The following SEMA6A variants were observed in gnomAD, a reference collection of about 807,000 sequenced individuals.
SEMA6A encodes semaphorin-6A.
SEMA6A carries 25 observed loss-of-function variants against 96.8 expected under a neutral mutation model. The ratio of observed to expected loss-of-function variants is 0.26; its 90% CI spans 0.19 to 0.36. The LOEUF is 0.36. SEMA6A is among the 10% of genes least tolerant of loss of function. The probability of loss-of-function intolerance (pLI) is 1.00; values close to 1 mark genes in which losing one functional copy is unlikely to be tolerated. For synonymous variants in SEMA6A, 612 were observed against 518.0 expected (o/e 1.18, Z -2.46); for missense variants, 1,363 against 1,323.1 (o/e 1.03, Z -0.47).
At chr5:116,512,869 C>T (rs1431007564) in intron 1 of SEMA6A, among the ~76,000 whole-genome samples, 1 of 152,214 alleles carries the variant, frequency 6.6e-6, no homozygotes, top group East Asian at 1.9e-4. Context: ...CTGTCTTTAT[C>T]TCAAAAGTCT....
intron 1 of SEMA6A, among the ~76,000 whole-genome samples, chr5:116,544,992 T>A (rs1760124829): frequency 6.6e-6 from 1 of 152,056 alleles, no homozygotes; most frequent in African/African-American, 2.4e-5. Context: ...TCTGTTCCCC[T>A]GGTCACCTGC....
chr5:116,500,676 T>C (rs1757834065), intron 3 of SEMA6A, among the ~76,000 whole-genome samples: 1 of 152,156 alleles, frequency 6.6e-6, no homozygotes, highest in African/African-American at 2.4e-5. Context: ...ACCACTGTTA[T>C]TTACTTGTTC....
rs1759072187 is a variant in SEMA6A, at chr5:116,523,628, A to AT, written c.-38-18647dup. On this transcript the variant is annotated intron_variant, in intron 1 of 18. Coordinates refer to ENST00000343348, the MANE Select transcript of SEMA6A (RefSeq NM_020796.5). Reference sequence around the variant, plus strand: ...CACCCGGCCTAGACAGCAGTTTCATATTTTTATGCAAAAATATGCATAAAA... The same window carrying AT: ...CACCCGGCCTAGACAGCAGTTTCATATTTTTTATGCAAAAATATGCATAAAA... 4.6e-5 allele frequency among the ~76,000 whole-genome samples: 7 copies of AT among 152,256 alleles called. 1 individual carries two copies. The highest frequency in any genetic ancestry group is 1.7e-4 in the African/African-American group (7 of 41,572).
chr5:116,454,629 T>A (rs550871726), intron 18 of SEMA6A, among the ~76,000 whole-genome samples: 1 of 152,122 alleles, frequency 6.6e-6, no homozygotes, highest in Admixed American at 6.6e-5. Context: ...GTGACCACGC[T>A]GAAAGTGAAA....
At chr5:116,559,557 GTGT>G (rs1554094125) in intron 1 of SEMA6A, among the ~76,000 whole-genome samples, 1 of 152,158 alleles carries the variant, frequency 6.6e-6, no homozygotes, top group Non-Finnish European at 1.5e-5. Flanking sequence ...ACACCGCCTT[GTGT>G]TGTTTGTTGG....
At chr5:116,478,454 C>A (rs1436780049) in intron 13 of SEMA6A, 88 bp downstream of exon 13, 3 of 1,338,446 alleles carry the variant, frequency 2.2e-6, no homozygotes, top group Non-Finnish European at 3.0e-6. Context: ...ATGCATAAAA[C>A]CTCAGTCGGT....
intron 8 of SEMA6A, 64 bp from the exon 9 acceptor site, chr5:116,488,260 G>C: frequency 9.2e-7 from 1 of 1,089,224 alleles, no homozygotes; most frequent in South Asian, 1.4e-5. Flanking sequence ...TTTCAATCAA[G>C]TGTAGCCAAA....
chr5:116,542,264 A>G (rs1475370214), intron 1 of SEMA6A, among the ~76,000 whole-genome samples: 6 of 152,158 alleles, frequency 3.9e-5, no homozygotes, highest in Admixed American at 2.0e-4. Flanking sequence ...ACCATAACTG[A>G]TCAATATTCT....
At chr5:116,479,982 C>G in intron 12 of SEMA6A, 140 bp downstream of exon 12, 1 of 937,540 alleles carries the variant, frequency 1.1e-6, no homozygotes, top group East Asian at 2.6e-5. Flanking sequence ...TCCAACCAAT[C>G]GGCCACCATT....
At chr5:116,457,689 C>T (rs571307224) in intron 18 of SEMA6A, among the ~76,000 whole-genome samples, 1 of 152,242 alleles carries the variant, frequency 6.6e-6, no homozygotes, top group African/African-American at 2.4e-5. Flanking sequence ...ATCTACTGTG[C>T]ACCCAGTATA....
chr5:116,463,389 T>TA (rs1162506994), intron 18 of SEMA6A, among the ~76,000 whole-genome samples: 6 of 152,190 alleles, frequency 3.9e-5, no homozygotes, highest in Non-Finnish European at 8.8e-5. Context: ...TAATTAACTA[T>TA]AAAGAGAATT....
chr5:116,492,951 T>A (rs1253040179), intron 6 of SEMA6A, among the ~76,000 whole-genome samples: 1 of 152,032 alleles, frequency 6.6e-6, no homozygotes, highest in African/African-American at 2.4e-5. Flanking sequence ...AATGTCACAC[T>A]GTCCCCTGAG....
intron 18 of SEMA6A, among the ~76,000 whole-genome samples, chr5:116,459,868 G>GT (rs1755264646): frequency 6.6e-6 from 1 of 152,090 alleles, no homozygotes; most frequent in Admixed American, 6.6e-5. Context: ...AGTATCTTCT[G>GT]TAACACTCAG....
At chr5:116,503,236 A>T (rs978120067) in intron 2 of SEMA6A, among the ~76,000 whole-genome samples, 6 of 152,210 alleles carry the variant, frequency 3.9e-5, no homozygotes, top group African/African-American at 1.4e-4. Context: ...GTAAATGATG[A>T]CTAGAAAACC....
intron 1 of SEMA6A, among the ~76,000 whole-genome samples, chr5:116,522,962 T>C (rs1396223779): frequency 6.6e-6 from 1 of 152,110 alleles, no homozygotes; most frequent in African/African-American, 2.4e-5. Context: ...AGACAGGAGA[T>C]TGACTAAACT....
chr5:116,477,308 C>A (rs1326801167), intron 15 of SEMA6A, among the ~76,000 whole-genome samples: 2 of 152,232 alleles, frequency 1.3e-5, no homozygotes, highest in African/African-American at 4.8e-5. Flanking sequence ...TGTTGGAGAA[C>A]TGCCAAGAAT....
At chr5:116,455,445 T>G (rs1045299610) in intron 18 of SEMA6A, among the ~76,000 whole-genome samples, 6 of 152,224 alleles carry the variant, frequency 3.9e-5, no homozygotes, top group Non-Finnish European at 7.3e-5. Flanking sequence ...TTCATCAGCT[T>G]TCTTAAATAA....
intron 1 of SEMA6A, among the ~76,000 whole-genome samples, chr5:116,505,704 T>C (rs927148959): frequency 3.9e-5 from 6 of 152,182 alleles, no homozygotes; most frequent in African/African-American, 1.4e-4. Context: ...TAAAAAGTCA[T>C]ATCTCTATAT....
At position 116,452,094 on chromosome 5, in the gene SEMA6A, C is replaced by T. The variant is rs530166438; in HGVS notation, c.1895-4283G>A. Among the ~76,000 whole-genome samples, 3 of 152,288 alleles carry T rather than the reference C, an allele frequency of 2.0e-5. No homozygotes were observed. In the East Asian group the frequency reaches 5.8e-4, roughly 29 times the overall value. On this transcript the variant is annotated intron_variant, in intron 18 of 18. Coordinates refer to ENST00000343348, the MANE Select transcript of SEMA6A (RefSeq NM_020796.5). ...TAAAGGGCCCTTGGAGGGTGGTGTA[C>T]TCCCCTCCGCAGGTATCCTCCCACT...
Sources: allele counts gnomAD v4.1 joint callset (sites outside exome capture counted in the v4.1 genomes callset), GRCh38; gene constraint gnomAD v4.1.1; transcripts MANE v1.5; gene names NCBI Gene and HGNC (gene_info 2026-07-23, HGNC 2026-07-21).